The following PPM1L variants were observed in gnomAD, a reference collection of about 807,000 sequenced individuals.
PPM1L encodes the protein protein phosphatase, Mg2+/Mn2+ dependent 1L, also known as protein phosphatase 1L.
In PPM1L, 13 loss-of-function variants were observed where a neutral mutation model predicts 31.4. That is an observed-to-expected ratio of 0.41 (90% CI 0.27 to 0.66). The LOEUF is 0.66. Ranked by LOEUF, PPM1L falls within the 30% of genes least tolerant of loss-of-function variation. The pLI is 0.29. For synonymous variants in PPM1L, 184 were observed against 175.4 expected (o/e 1.05, Z -0.39); for missense variants, 326 against 453.7 (o/e 0.72, Z 2.56).
chr3:161,028,651 G>A (rs893980546), intron 2 of PPM1L, among the ~76,000 whole-genome samples: 14 of 152,178 alleles, frequency 9.2e-5, no homozygotes, highest in African/African-American at 3.4e-4. Context: ...CTTACTGCAA[G>A]GCAGAATCAA....
chr3:160,993,178 G>A (rs901882827), intron 2 of PPM1L, among the ~76,000 whole-genome samples: 1 of 151,776 alleles, frequency 6.6e-6, no homozygotes, highest in African/African-American at 2.4e-5. Context: ...GATATTATAT[G>A]CTAATAAGTA....
chr3:160,767,098 A>G (rs1412767457), intron 1 of PPM1L, among the ~76,000 whole-genome samples: 4 of 152,202 alleles, frequency 2.6e-5, no homozygotes, highest in Admixed American at 2.0e-4. Context: ...TCTAGTTTGT[A>G]CAGAAGCTAA....
chr3:160,794,636 C>A (rs2049215), intron 1 of PPM1L, among the ~76,000 whole-genome samples: 64,067 of 151,908 alleles, frequency 0.42, 14,292 homozygotes, highest in East Asian at 0.6. Flanking sequence ...ACTGATTAAT[C>A]CAAACAACGC....
chr3:160,952,556 C>G (rs1363714989), intron 1 of PPM1L, among the ~76,000 whole-genome samples: 2 of 152,160 alleles, frequency 1.3e-5, no homozygotes, highest in Non-Finnish European at 2.9e-5. Flanking sequence ...AGAATTGATT[C>G]TCATCTTACT....
chr3:160,825,834 C>T (rs890889404), intron 1 of PPM1L, among the ~76,000 whole-genome samples: 5 of 152,092 alleles, frequency 3.3e-5, no homozygotes, highest in Admixed American at 2.0e-4. Context: ...GCGAACCCTC[C>T]ACACTCATAT....
intron 1 of PPM1L, among the ~76,000 whole-genome samples, chr3:160,841,078 G>A (rs1252929397): frequency 6.6e-6 from 1 of 152,140 alleles, no homozygotes; most frequent in Non-Finnish European, 1.5e-5. Context: ...TTGTCCCAGT[G>A]TGGACCCAAG....
intron 2 of PPM1L, among the ~76,000 whole-genome samples, chr3:161,020,369 G>A (rs1718207395): frequency 6.6e-6 from 1 of 152,056 alleles, no homozygotes; most frequent in African/African-American, 2.4e-5. Flanking sequence ...GTAGCAAGAA[G>A]CAAAATAACA....
intron 1 of PPM1L, among the ~76,000 whole-genome samples, chr3:160,773,093 AG>A (rs1271391717): frequency 2.6e-5 from 4 of 152,190 alleles, no homozygotes; most frequent in Non-Finnish European, 5.9e-5. Context: ...ATTGTGTGGT[AG>A]GTGTATGTTA....
chr3:160,950,456 AC>A (rs1205808150), intron 1 of PPM1L, among the ~76,000 whole-genome samples: 1 of 152,222 alleles, frequency 6.6e-6, no homozygotes, highest in South Asian at 2.1e-4. Context: ...CCTTCTCCAT[AC>A]CCCAACTACA....
At chr3:160,868,367 A>G (rs114249006) in intron 1 of PPM1L, among the ~76,000 whole-genome samples, 4,505 of 152,270 alleles carry the variant, frequency 0.03, 215 homozygotes, top group African/African-American at 0.1. Context: ...CTTGTCTTCA[A>G]GGCACCCTGC....
chr3:160,808,416 T>TGTGCGTGC lies in PPM1L; in HGVS notation c.399+51712_399+51713insCGTGCGTG, dbSNP rs1553808363. Among the ~76,000 whole-genome samples the TGTGCGTGC allele has an allele frequency of 1.2e-3, 152 of 129,308 alleles. 8 individuals are homozygous for TGTGCGTGC. Among genetic ancestry groups the TGTGCGTGC allele is most frequent in the African/African-American group, 4.5e-3 (140 of 31,222 alleles). 84.8% of individuals were successfully genotyped at this position (129,308 alleles called of 152,430 possible). ...GTGTGTGTGTGTGTGTGTGTGTGTGTGTGTGTGGTGGGTGAGGGAAGCTGG... is the reference window on the plus strand; with the variant it reads ...GTGTGTGTGTGTGTGTGTGTGTGTGTGTGCGTGCGTGTGTGGTGGGTGAGGGAAGCTGG... On this transcript the variant is annotated intron_variant, in intron 1 of 3. Coordinates refer to ENST00000498165, the MANE Select transcript of PPM1L (RefSeq NM_139245.4).
chr3:160,814,172 T>G (rs1712895183), intron 1 of PPM1L, among the ~76,000 whole-genome samples: 1 of 152,160 alleles, frequency 6.6e-6, no homozygotes, highest in Admixed American at 6.5e-5. Context: ...ACCTAACATC[T>G]CATTTCATTG....
At chr3:160,806,198 T>C (rs188524028) in intron 1 of PPM1L, among the ~76,000 whole-genome samples, 1 of 152,326 alleles carries the variant, frequency 6.6e-6, no homozygotes, top group East Asian at 1.9e-4. Context: ...GGGGCTGTGC[T>C]CTCTAGCCTC....
chr3:161,044,671 C>A (rs1208478748), intron 2 of PPM1L, among the ~76,000 whole-genome samples: 3 of 152,066 alleles, frequency 2.0e-5, no homozygotes, highest in Non-Finnish European at 4.4e-5. Flanking sequence ...AAAAACATGC[C>A]AAAATGTAAA....
chr3:160,988,577 T>C (rs1717037654), intron 2 of PPM1L, among the ~76,000 whole-genome samples: 1 of 152,178 alleles, frequency 6.6e-6, no homozygotes, highest in Non-Finnish European at 1.5e-5. Flanking sequence ...AGGGAAAATA[T>C]GGTTTCAATT....
chr3:161,066,667 T>C (rs570205586), intron 3 of PPM1L, among the ~76,000 whole-genome samples: 57 of 152,322 alleles, frequency 3.7e-4, no homozygotes, highest in African/African-American at 1.3e-3. Context: ...CTCTTCATGA[T>C]GTGCCAGGCA....
chr3:161,028,413 G>A (rs930524127), intron 2 of PPM1L, among the ~76,000 whole-genome samples: 1 of 152,186 alleles, frequency 6.6e-6, no homozygotes, highest in African/African-American at 2.4e-5. Flanking sequence ...GAAGATGTGG[G>A]TGTGAGTGAG....
chr3:160,925,681 C>G (rs940311079), intron 1 of PPM1L, among the ~76,000 whole-genome samples: 1 of 152,002 alleles, frequency 6.6e-6, no homozygotes, highest in African/African-American at 2.4e-5. Flanking sequence ...TTAATTATAC[C>G]TATTATTTCA....
At position 160,774,623 on chromosome 3, in the gene PPM1L, C is replaced by T. The variant is rs76874943; in HGVS notation, c.399+17916C>T. Among the ~76,000 whole-genome samples the T allele has an allele frequency of 6.0e-3, 919 of 152,230 alleles. 5 individuals carry two copies. The highest frequency in any genetic ancestry group is 0.021 in the African/African-American group (869 of 41,544). On this transcript the variant is annotated intron_variant, in intron 1 of 3. Transcript: ENST00000498165. ...TCTGTTGTTTGCCTATGCAAAAGTC[C>T]GCACTACAGCAAAAATAGTCTCTAC...
Sources: allele counts gnomAD v4.1 joint callset (sites outside exome capture counted in the v4.1 genomes callset), GRCh38; gene constraint gnomAD v4.1.1; transcripts MANE v1.5; gene names NCBI Gene and HGNC (gene_info 2026-07-23, HGNC 2026-07-21).